Variants in DAB1 observed in about 807,000 individuals in gnomAD.
DAB1 encodes DAB adaptor protein 1.
In DAB1, 15 loss-of-function variants were observed where a neutral mutation model predicts 64.6. The observed-to-expected ratio is 0.23, with a 90% CI of 0.16 to 0.36. The LOEUF is 0.36. Among genes scored for constraint, DAB1 ranks in the 10% least tolerant of loss-of-function variants. The pLI is 1.00. For missense variants in DAB1, 596 were observed against 706.7 expected (o/e 0.84, Z 1.78); for synonymous variants, 235 against 251.9 (o/e 0.93, Z 0.64).
intron 5 of DAB1, among the ~76,000 whole-genome samples, chr1:58,128,207 T>G (rs944970705): frequency 2.6e-5 from 4 of 151,930 alleles, no homozygotes; most frequent in African/African-American, 9.7e-5. Flanking sequence ...AGGTATTTTA[T>G]TCTCTTTGAC....
At chr1:57,573,148 C>T (rs1477038448) in intron 7 of DAB1, among the ~76,000 whole-genome samples, 1 of 152,126 alleles carries the variant, frequency 6.6e-6, no homozygotes, top group African/African-American at 2.4e-5. Flanking sequence ...AGTGCAGTGG[C>T]ACAATCATAG....
chr1:57,579,110 C>T (rs1645283336), intron 7 of DAB1, among the ~76,000 whole-genome samples: 1 of 152,206 alleles, frequency 6.6e-6, no homozygotes, highest in African/African-American at 2.4e-5. Context: ...GTTGGACCCA[C>T]CTGAAACTTG....
chr1:57,719,811 A>G (rs1404763119), intron 6 of DAB1, among the ~76,000 whole-genome samples: 2 of 152,184 alleles, frequency 1.3e-5, no homozygotes, highest in Non-Finnish European at 2.9e-5. Context: ...AATACACTCA[A>G]CCAGTTAGTG....
intron 4 of DAB1, among the ~76,000 whole-genome samples, chr1:57,121,333 C>T (rs77522057): frequency 0.019 from 2,821 of 152,054 alleles, 42 homozygotes; most frequent in Non-Finnish European, 0.03. Flanking sequence ...CCCTCACTCT[C>T]TCTATCAGGG....
chr1:57,312,494 T>C (rs572661191), intron 1 of DAB1, among the ~76,000 whole-genome samples: 27 of 152,308 alleles, frequency 1.8e-4, no homozygotes, highest in African/African-American at 6.5e-4. Context: ...TCTAAGCAGA[T>C]GCCGTCTACA....
chr1:57,900,356 T>A (rs185868748), intron 5 of DAB1, among the ~76,000 whole-genome samples: 1 of 152,298 alleles, frequency 6.6e-6, no homozygotes, highest in Non-Finnish European at 1.5e-5. Flanking sequence ...CCTGCTGCCT[T>A]CTTTATTTGA....
intron 2 of DAB1, among the ~76,000 whole-genome samples, chr1:57,171,900 T>C (rs192220481): frequency 5.3e-5 from 8 of 152,328 alleles, no homozygotes; most frequent in Admixed American, 5.2e-4. Flanking sequence ...GAACCATGAA[T>C]TGAGTGGCTT....
intron 4 of DAB1, among the ~76,000 whole-genome samples, chr1:58,194,079 A>C (rs1435868235): frequency 1.3e-5 from 2 of 152,220 alleles, no homozygotes; most frequent in Non-Finnish European, 2.9e-5. Context: ...ATCTCTGTCC[A>C]AATCTGTATC....
At chr1:57,856,082 T>C (rs544106034) in intron 1 of DAB1, among the ~76,000 whole-genome samples, 1 of 152,292 alleles carries the variant, frequency 6.6e-6, no homozygotes, top group Non-Finnish European at 1.5e-5. Context: ...TCTGAGCTGC[T>C]ACTGCCTGGG....
chr1:57,386,366 GAA>G lies in DAB1; in HGVS notation c.-137+37562_-137+37563del, dbSNP rs5774342. Among the ~76,000 whole-genome samples the G allele has an allele frequency of 1.3e-3, 150 of 113,452 alleles. 1 individual carries two copies. Among genetic ancestry groups the G allele is most frequent in the African/African-American group, 4.4e-3 (138 of 31,302 alleles). The allele number at this position is 113,452 out of a possible 152,430, so 74.4% of individuals were successfully genotyped here. A position where few individuals can be genotyped will look rare whatever the true frequency, so the allele number is the denominator to read the frequency against. ...TCTCTGCCTCACTTAGGCCCCTTGG[GAA>G]AAAAAAAAAAAAAAAAAAACCCGTC... On this transcript the variant is annotated intron_variant, in intron 1 of 14. Coordinates refer to ENST00000371236, the MANE Select transcript of DAB1 (RefSeq NM_001365792.1).
intron 2 of DAB1, among the ~76,000 whole-genome samples, chr1:57,208,412 G>T (rs1176073524): frequency 6.6e-6 from 1 of 152,160 alleles, no homozygotes; most frequent in Non-Finnish European, 1.5e-5. Flanking sequence ...ATGAGCATCT[G>T]CTCCCCTTTC....
chr1:58,075,471 T>C (rs1649579711), intron 5 of DAB1, among the ~76,000 whole-genome samples: 1 of 152,184 alleles, frequency 6.6e-6, no homozygotes, highest in African/African-American at 2.4e-5. Context: ...GAGGCCTGTG[T>C]CAAGAAAAAG....
chr1:57,301,391 A>T (rs76049134), intron 1 of DAB1, among the ~76,000 whole-genome samples: 12,769 of 152,136 alleles, frequency 0.084, 648 homozygotes, highest in African/African-American at 0.14. Flanking sequence ...CCTCATTTTA[A>T]CCCTACTCCA....
intron 4 of DAB1, among the ~76,000 whole-genome samples, chr1:58,241,698 C>A (rs886306398): frequency 2.6e-5 from 4 of 152,052 alleles, no homozygotes; most frequent in African/African-American, 9.7e-5. Context: ...AAATTCAAAT[C>A]TTTTCACGAC....
At chr1:58,260,151 T>C (rs1371651463) in intron 4 of DAB1, among the ~76,000 whole-genome samples, 1 of 152,144 alleles carries the variant, frequency 6.6e-6, no homozygotes, top group Non-Finnish European at 1.5e-5. Context: ...CAGAAAACTA[T>C]GAGATTATGT....
At chr1:57,086,685 ACAT>A in intron 4 of DAB1, among the ~76,000 whole-genome samples, 1 of 144,448 alleles carries the variant, frequency 6.9e-6, no homozygotes, top group South Asian at 2.3e-4. Flanking sequence ...ACACACACAC[ACAT>A]GAAAAAAACC....
At chr1:58,334,513 GAC>G (rs968851432) in intron 4 of DAB1, among the ~76,000 whole-genome samples, 271 of 151,440 alleles carry the variant, frequency 1.8e-3, no homozygotes, top group African/African-American at 6.4e-3. Context: ...TAGAGCTACT[GAC>G]CATCATGGGT....
chr1:57,769,756 ACTG>A (rs2101828773), intron 6 of DAB1, among the ~76,000 whole-genome samples: 1 of 152,198 alleles, frequency 6.6e-6, no homozygotes, highest in African/African-American at 2.4e-5. Flanking sequence ...TGAAATAGAA[ACTG>A]CTAAGAGTTC....
chr1:57,439,435 T>TTTTTTGTTTTTTTTTTTTTTTTTTG (rs1685842814), intron 7 of DAB1, among the ~76,000 whole-genome samples: 2 of 135,320 alleles, frequency 1.5e-5, no homozygotes, highest in South Asian at 2.6e-4. Flanking sequence ...CTTTTTTTTT[T>TTTTTTGTTTTTTTTTTTTTTTTTTG]TTTTTTTTTT....
Sources: gnomAD v4.1 joint callset for allele counts (sites outside exome capture counted in the v4.1 genomes callset) on GRCh38, gnomAD v4.1.1 for gene constraint, MANE v1.5 for transcripts, NCBI Gene and HGNC (gene_info 2026-07-23, HGNC 2026-07-21) for gene names.